Variants in ANKRD13C observed in about 807,000 individuals in gnomAD.
ANKRD13C encodes ankyrin repeat domain-containing protein 13C.
Under a neutral mutation model 65.5 loss-of-function variants are expected in ANKRD13C, and 16 were observed. The observed-to-expected ratio is 0.24, with a 90% CI of 0.17 to 0.37. The LOEUF is 0.37. Ranked by LOEUF, ANKRD13C falls within the 10% of genes least tolerant of loss-of-function variation. ANKRD13C has a pLI of 1.00. For synonymous variants in ANKRD13C, 235 were observed against 238.7 expected, an observed-to-expected ratio of 0.98 and a Z score of 0.14; for missense variants, 503 against 655.9, an observed-to-expected ratio of 0.77 and a Z score of 2.55.
chr1:70,311,964 A>C (rs1049927289), intron 5 of ANKRD13C, among the ~76,000 whole-genome samples: 2 of 152,186 alleles, frequency 1.3e-5, no homozygotes, highest in African/African-American at 4.8e-5. Flanking sequence ...TTTGTAGAAA[A>C]TTATTACTTG....
At chr1:70,296,527 A>G (rs746575764) in intron 7 of ANKRD13C, among the ~76,000 whole-genome samples, 2 of 152,234 alleles carry the variant, frequency 1.3e-5, no homozygotes, top group Non-Finnish European at 2.9e-5. Context: ...CCTGTTATAG[A>G]TATGTAATGG....
chr1:70,273,674 CTT>C (rs571456040), intron 11 of ANKRD13C, among the ~76,000 whole-genome samples: 1 of 146,268 alleles, frequency 6.8e-6, no homozygotes. Context: ...TTTCTTTTTT[CTT>C]TTTTTTTTTG....
intron 12 of ANKRD13C, among the ~76,000 whole-genome samples, chr1:70,266,164 C>G (rs546083541): frequency 7.8e-4 from 119 of 152,260 alleles, no homozygotes; most frequent in South Asian, 1.9e-3. Context: ...TTCTGTAGTC[C>G]CTGGCATCCA....
At position 70,301,020 on chromosome 1, in the gene ANKRD13C, T is replaced by C; in HGVS notation, c.777-112A>G. 13 of 1,082,036 alleles carry C rather than the reference T, an allele frequency of 1.2e-5. No homozygotes were observed. In the South Asian group the frequency reaches 2.2e-4, roughly 18 times the overall value. The allele number at this position is 1,082,036 out of a possible 1,614,324, so 67.0% of individuals were successfully genotyped here. On this transcript the variant is annotated intron_variant, in intron 6 of 12. Transcript: ENST00000370944. ...CTCAAACCAAGATGCTAATACCATA[T>C]TGCAAAGTCAAATTTATAGATAAAA...
intron 7 of ANKRD13C, among the ~76,000 whole-genome samples, chr1:70,300,085 A>G (rs1378951767): frequency 6.6e-6 from 1 of 152,214 alleles, no homozygotes; most frequent in Non-Finnish European, 1.5e-5. Flanking sequence ...TATTCATATT[A>G]AGGAGATAAA....
intron 11 of ANKRD13C, 75 bp from the exon 12 acceptor site, chr1:70,271,031 C>T: frequency 1.1e-6 from 1 of 871,276 alleles, no homozygotes; most frequent in South Asian, 1.5e-5. Flanking sequence ...CAACTACATG[C>T]TTCAAACCTG....
chr1:70,274,755 T>G lies in ANKRD13C; in HGVS notation c.1359A>C (p.Ile453=). Residue 453 remains isoleucine, a synonymous_variant, in exon 11 of 13, where the codon ATA becomes ATC. Coordinates refer to ENST00000370944, the MANE Select transcript of ANKRD13C (RefSeq NM_030816.5). ...CTAAGGGAAATTCCTGGCTCATGGC[T>G]ATCGTAGCTTTAAACGTTTTCTTAC... The part of the protein sequence containing the change: ...KESKKTFKAT[I]AMSQEFPLGI... 2 of 1,613,934 alleles carry G rather than the reference T, an allele frequency of 1.2e-6. No individual in the cohort carries two copies. Among genetic ancestry groups the G allele is most frequent in the South Asian group, 1.1e-5 (1 of 91,070 alleles).
At chr1:70,285,491 A>G (rs1326011272) in intron 9 of ANKRD13C, among the ~76,000 whole-genome samples, 2 of 151,942 alleles carry the variant, frequency 1.3e-5, no homozygotes, top group African/African-American at 4.8e-5. Flanking sequence ...CACTGCACCC[A>G]GCTATAATGA....
At chr1:70,333,078 C>A (rs535262171) in intron 2 of ANKRD13C, among the ~76,000 whole-genome samples, 7 of 152,140 alleles carry the variant, frequency 4.6e-5, no homozygotes, top group Non-Finnish European at 8.8e-5. Context: ...CAAAGCAATA[C>A]ACCATTAAAA....
intron 11 of ANKRD13C, among the ~76,000 whole-genome samples, chr1:70,273,022 T>TAAATAAATAAAA (rs1348415121): frequency 6.6e-6 from 1 of 150,570 alleles, no homozygotes; most frequent in East Asian, 1.9e-4. Context: ...AATAAATAAA[T>TAAATAAATAAAA]AAAATAATAA....
At chr1:70,325,127 A>C (rs1681479790) in intron 2 of ANKRD13C, among the ~76,000 whole-genome samples, 170 bp from the exon 3 acceptor site, 1 of 152,242 alleles carries the variant, frequency 6.6e-6, no homozygotes, top group Non-Finnish European at 1.5e-5. Flanking sequence ...TAAACCAGGT[A>C]ATTTCAGATC....
At chr1:70,323,495 T>A (rs1681401765) in intron 3 of ANKRD13C, among the ~76,000 whole-genome samples, 1 of 151,354 alleles carries the variant, frequency 6.6e-6, no homozygotes, top group African/African-American at 2.4e-5. Flanking sequence ...ATACAAAAAT[T>A]AGCCAGGCAT....
In ANKRD13C at chr1:70,259,872, C is replaced by G. The variant is rs1020169667; in HGVS notation, c.*2845G>C. On this transcript the variant is annotated 3_prime_UTR_variant, in exon 13 of 13. Coordinates refer to ENST00000370944, the MANE Select transcript of ANKRD13C (RefSeq NM_030816.5). ...TTACATGCAGATTTTCAACTGAACCCCTAACCTCCATGTTGTTCAAGGGTC... is the reference window on the plus strand; with the variant it reads ...TTACATGCAGATTTTCAACTGAACCGCTAACCTCCATGTTGTTCAAGGGTC... Among the ~76,000 whole-genome samples, 1 of 152,124 alleles carries G rather than the reference C, an allele frequency of 6.6e-6. No individual in the cohort carries two copies. Among genetic ancestry groups the G allele is most frequent in the African/African-American group, 2.4e-5 (1 of 41,430 alleles).
chr1:70,354,237 G>A lies in ANKRD13C; in HGVS notation c.172C>T (p.His58Tyr). 1.2e-6 allele frequency: 2 copies of A among 1,613,552 alleles called. No homozygotes were observed. The highest frequency in any genetic ancestry group is 1.7e-6 in the Non-Finnish European group (2 of 1,180,036). ...GCTGCCTTCAGCTGTAGCCGGTGGT[G>A]ATGGTTACTGAAGATCTTATGACAA... The part of the protein sequence containing the change: ...KACHKIFSNH[H>Y]HRLQLKAAPA... The change falls in exon 1 of 13, where the codon CAC becomes TAC. Residue 58 changes from histidine to tyrosine, a missense_variant. This residue lies in a region of ANKRD13C where 203 missense variants were observed against 177.6 expected (regional missense o/e 1.14). Coordinates refer to ENST00000370944, the MANE Select transcript of ANKRD13C (RefSeq NM_030816.5).
chr1:70,300,739 A>C (rs1386116119), intron 7 of ANKRD13C, 25 bp downstream of exon 7: 8 of 1,548,858 alleles, frequency 5.2e-6, no homozygotes, highest in Admixed American at 2.1e-5. Flanking sequence ...GATTTAAAGG[A>C]ATATTGATAA....
At chr1:70,327,472 A>C (rs1343873068) in intron 2 of ANKRD13C, among the ~76,000 whole-genome samples, 6 of 152,216 alleles carry the variant, frequency 3.9e-5, no homozygotes, top group South Asian at 4.1e-4. Context: ...GGTGGGGAAA[A>C]GGTGAGCAAA....
intron 6 of ANKRD13C, among the ~76,000 whole-genome samples, chr1:70,304,669 G>A (rs1179232833): frequency 6.6e-6 from 1 of 152,156 alleles, no homozygotes; most frequent in African/African-American, 2.4e-5. Context: ...AAAGTGCTGG[G>A]ATTACAGGCA....
intron 6 of ANKRD13C, among the ~76,000 whole-genome samples, chr1:70,305,300 AC>A (rs1357368940): frequency 6.6e-6 from 1 of 152,192 alleles, no homozygotes; most frequent in Non-Finnish European, 1.5e-5. Flanking sequence ...GGTGAGAAGA[AC>A]AACAAACAAG....
At chr1:70,269,290 A>C (rs1448837061) in intron 12 of ANKRD13C, among the ~76,000 whole-genome samples, 2 of 152,242 alleles carry the variant, frequency 1.3e-5, no homozygotes, top group African/African-American at 4.8e-5. Context: ...AAAGGACTGC[A>C]GACTTTTTTC....
Sources: allele counts gnomAD v4.1 joint callset (sites outside exome capture counted in the v4.1 genomes callset), GRCh38; gene constraint gnomAD v4.1.1; regional missense constraint gnomAD v4.1.1; transcripts MANE v1.5; gene names NCBI Gene and HGNC (gene_info 2026-07-23, HGNC 2026-07-21).